SNX13: variants seen among roughly 807,000 people sequenced by gnomAD.
SNX13 encodes sorting nexin-13.
A neutral mutation model predicts 133.6 loss-of-function variants in SNX13; 45 were observed. The ratio of observed to expected loss-of-function variants is 0.34; its 90% CI spans 0.27 to 0.43. SNX13 has a LOEUF of 0.43. Among genes scored for constraint, SNX13 ranks in the 20% least tolerant of loss-of-function variants. The probability of loss-of-function intolerance (pLI) is 1.00; values close to 1 mark genes in which losing one functional copy is unlikely to be tolerated. For missense variants in SNX13, 1,032 were observed against 1,145.1 expected (o/e 0.90, Z 1.43); for synonymous variants, 414 against 373.9 (o/e 1.11, Z -1.24).
intron 5 of SNX13, 64 bp downstream of exon 5, chr7:17,890,299 T>C: frequency 6.6e-7 from 1 of 1,507,190 alleles, no homozygotes; most frequent in South Asian, 1.3e-5. Context: ...TAAAAGTTGT[T>C]TTCCTTACTG....
chr7:17,819,204 A>C (rs1221337184), intron 18 of SNX13, among the ~76,000 whole-genome samples: 1 of 152,200 alleles, frequency 6.6e-6, no homozygotes, highest in Non-Finnish European at 1.5e-5. Flanking sequence ...TTTAAGGAAA[A>C]TAAATGATAG....
At chr7:17,858,841 G>A (rs1225736548) in intron 9 of SNX13, among the ~76,000 whole-genome samples, 2 of 152,018 alleles carry the variant, frequency 1.3e-5, no homozygotes, top group Non-Finnish European at 2.9e-5. Context: ...TTTTAGTAAG[G>A]TGCCAAGGAA....
At chr7:17,796,222 G>A (rs1275078162) in intron 25 of SNX13, 1 of 151,766 alleles carries the variant, frequency 6.6e-6, no homozygotes, top group African/African-American at 2.4e-5. Flanking sequence ...AAGGTAGTGA[G>A]ATAGCTATAC....
intron 5 of SNX13, among the ~76,000 whole-genome samples, chr7:17,876,062 AT>A (rs1014088502): frequency 4.6e-5 from 7 of 152,212 alleles, no homozygotes; most frequent in Non-Finnish European, 7.3e-5. Context: ...AAAGAAATTA[AT>A]TTTTTCCAGT....
At chr7:17,844,870 C>G (rs1790309085) in intron 12 of SNX13, among the ~76,000 whole-genome samples, 1 of 151,910 alleles carries the variant, frequency 6.6e-6, no homozygotes, top group Admixed American at 6.6e-5. Flanking sequence ...ACTCAATAAA[C>G]TAGGAACAGA....
At chr7:17,892,233 AGT>A in intron 3 of SNX13, among the ~76,000 whole-genome samples, 1 of 152,216 alleles carries the variant, frequency 6.6e-6, no homozygotes, top group East Asian at 1.9e-4. Flanking sequence ...CATGCTTCAA[AGT>A]TATAATATGA....
intron 5 of SNX13, among the ~76,000 whole-genome samples, chr7:17,886,465 G>C (rs907336713): frequency 2.0e-5 from 3 of 151,976 alleles, no homozygotes; most frequent in African/African-American, 7.3e-5. Context: ...CTACTAAGGA[G>C]GCTGGGGCAG....
chr7:17,842,428 C>G (rs1284569078), intron 12 of SNX13, among the ~76,000 whole-genome samples: 2 of 151,874 alleles, frequency 1.3e-5, no homozygotes, highest in African/African-American at 4.8e-5. Context: ...AAGCATCTTA[C>G]CATAAGACCT....
intron 5 of SNX13, among the ~76,000 whole-genome samples, chr7:17,887,402 A>G (rs912974558): frequency 6.6e-6 from 1 of 152,296 alleles, no homozygotes; most frequent in Admixed American, 6.5e-5. Context: ...CTCCCGTCTA[A>G]TCCACACCCA....
At chr7:17,901,446 A>G (rs921090709) in intron 1 of SNX13, among the ~76,000 whole-genome samples, 1 of 152,078 alleles carries the variant, frequency 6.6e-6, no homozygotes, top group African/African-American at 2.4e-5. Flanking sequence ...CGAGCACATT[A>G]GCCAGCAGTG....
Position 17,796,951 on chromosome 7 carries a change from G to A in SNX13, c.2514-12C>T, listed in dbSNP as rs769191985. ...GCCAAAATGCATCTCTATTTGAGAA[G>A]ATTAAATACATTTTGTAAACATTTT... On this transcript the variant is annotated splice_polypyrimidine_tract_variant and intron_variant, in intron 24 of 25. Coordinates refer to ENST00000428135, the MANE Select transcript of SNX13 (RefSeq NM_015132.5). 6.5e-7 allele frequency: 1 copy of A among 1,529,754 alleles called. No homozygotes were observed. 94.8% of individuals were successfully genotyped at this position (1,529,754 alleles called of 1,614,324 possible). A position where few individuals can be genotyped will look rare whatever the true frequency, so the allele number is the denominator to read the frequency against.
At chr7:17,807,187 G>A (rs1310201072) in intron 20 of SNX13, among the ~76,000 whole-genome samples, 1 of 152,068 alleles carries the variant, frequency 6.6e-6, no homozygotes, top group African/African-American at 2.4e-5. Flanking sequence ...ACGGAGCCCA[G>A]CAAGCTATAA....
rs557826436 is a variant in SNX13 at position 17,831,304 on chromosome 7, T to C, written c.1598-1257A>G. The stretch of plus-strand genomic sequence containing the variant: ...GTTCAACATGGTGAGACAAATAATG[T>C]TGAGATTAAAATTTAAAAAGGAAAG... On this transcript the variant is annotated intron_variant, in intron 15 of 25. Transcript: ENST00000428135. 3.2e-5 allele frequency: 30 copies of C among 949,400 alleles called. No individual in the cohort carries two copies. In the East Asian group the frequency reaches 2.3e-3, roughly 74 times the overall value. The allele number at this position is 949,400 out of a possible 1,614,324, so 58.8% of individuals were successfully genotyped here.
Position 17,842,135 on chromosome 7 carries a change from A to G in SNX13, c.1166-2135T>C, listed in dbSNP as rs747062082. On this transcript the variant is annotated intron_variant, in intron 12 of 25. Coordinates refer to ENST00000428135, the MANE Select transcript of SNX13 (RefSeq NM_015132.5). Reference sequence around the variant, plus strand: ...AATATAAACACCCAAAAAGCTCAACAATCTCCAACTAAGATGAATTCAAAG... The same window carrying G: ...AATATAAACACCCAAAAAGCTCAACGATCTCCAACTAAGATGAATTCAAAG... Among the ~76,000 whole-genome samples, 17 of 152,044 alleles carry G rather than the reference A, an allele frequency of 1.1e-4. 1 individual carries two copies. The East Asian group carries it at 3.3e-3, about 29-fold the overall frequency.
At chr7:17,819,740 G>A (rs912558241) in intron 18 of SNX13, among the ~76,000 whole-genome samples, 2 of 152,084 alleles carry the variant, frequency 1.3e-5, no homozygotes, top group African/African-American at 4.8e-5. Flanking sequence ...AAAAGGCAAA[G>A]ACCCTAAATC....
chr7:17,831,297 A>G (rs1788457171), intron 15 of SNX13: 7 of 946,850 alleles, frequency 7.4e-6, no homozygotes, highest in Non-Finnish European at 8.8e-6. Context: ...TGGTGAGACA[A>G]ATAATGTTGA....
chr7:17,803,633 C>A, intron 20 of SNX13, 53 bp from the exon 21 acceptor site: 2 of 1,486,886 alleles, frequency 1.3e-6, no homozygotes, highest in South Asian at 1.3e-5. Flanking sequence ...GAGTTGTTAT[C>A]CAAATGACAA....
chr7:17,876,024 AACT>A (rs1794687329), intron 5 of SNX13, among the ~76,000 whole-genome samples: 1 of 152,234 alleles, frequency 6.6e-6, no homozygotes, highest in Admixed American at 6.5e-5. Flanking sequence ...CAAAGCTTAA[AACT>A]ACTATCTAAA....
intron 2 of SNX13, among the ~76,000 whole-genome samples, chr7:17,896,261 A>G (rs528771066): frequency 6.6e-6 from 1 of 152,220 alleles, no homozygotes; most frequent in Non-Finnish European, 1.5e-5. Context: ...AGTACACAGT[A>G]TCGTATCTAG....
Sources: allele counts gnomAD v4.1 joint callset (sites outside exome capture counted in the v4.1 genomes callset), GRCh38; gene constraint gnomAD v4.1.1; transcripts MANE v1.5; gene names NCBI Gene and HGNC (gene_info 2026-07-23, HGNC 2026-07-21).